The following BMS1 variants were observed in gnomAD, a reference collection of about 807,000 sequenced individuals.
BMS1 encodes BMS1 ribosome biogenesis factor, also known as ribosome biogenesis protein BMS1 homolog.
In BMS1, 53 loss-of-function variants were observed where a neutral mutation model predicts 138.7. The observed-to-expected ratio is 0.38, with a 90% CI of 0.31 to 0.48. The LOEUF is 0.48. Among genes scored for constraint, BMS1 ranks in the 20% least tolerant of loss-of-function variants. The pLI is 0.97. For synonymous variants in BMS1, 504 were observed against 539.9 expected (o/e 0.93, Z 0.92); for missense variants, 1,360 against 1,565.5 (o/e 0.87, Z 2.22).
chr10:42,806,382 G>C (rs187087219), intron 13 of BMS1, among the ~76,000 whole-genome samples: 88 of 152,300 alleles, frequency 5.8e-4, no homozygotes, highest in African/African-American at 1.6e-3. Flanking sequence ...GTGTGGATTA[G>C]AAGTCAAAGT....
In BMS1 at chr10:42,834,084, C is replaced by CT. The variant is rs1161168203; in HGVS notation, c.*2992dup. 2 of 152,060 alleles carry CT rather than the reference C, an allele frequency of 1.3e-5. No individual in the cohort carries two copies. Among genetic ancestry groups the CT allele is most frequent in the East Asian group, 3.8e-4 (2 of 5,200 alleles). The allele number at this position is 152,060 out of a possible 1,614,324, so 9.4% of individuals were successfully genotyped here. On this transcript the variant is annotated 3_prime_UTR_variant, in exon 23 of 23. Coordinates refer to ENST00000374518, the MANE Select transcript of BMS1 (RefSeq NM_014753.4). ...AATTGTAAAAATTATTCTGTTATAC[C>CT]TTTTCTATTTACTAGGCACAGGCAG...
At chr10:42,820,906 A>G (rs1292382584) in intron 17 of BMS1, 28 bp from the exon 18 acceptor site, 25 of 1,593,510 alleles carry the variant, frequency 1.6e-5, no homozygotes, top group South Asian at 7.7e-5. Flanking sequence ...GTGGTTCGCT[A>G]TATTTCTTTT....
At chr10:42,810,307 C>G (rs1320732430) in intron 13 of BMS1, among the ~76,000 whole-genome samples, 1 of 152,166 alleles carries the variant, frequency 6.6e-6, no homozygotes, top group Non-Finnish European at 1.5e-5. Context: ...ACCCAGTCAT[C>G]ACACTTATGA....
In BMS1 at chr10:42,831,477, TC is replaced by T. The variant is rs1227439527; in HGVS notation, c.*382del. 1.0e-4 allele frequency: 19 copies of T among 185,988 alleles called. No homozygotes were observed. Among genetic ancestry groups the T allele is most frequent in the Non-Finnish European group, 6.8e-5 (6 of 88,020 alleles). The allele number at this position is 185,988 out of a possible 1,614,324, so 11.5% of individuals were successfully genotyped here. A position where few individuals can be genotyped will look rare whatever the true frequency, so the allele number is the denominator to read the frequency against. ...TGGATAATTATTTATACTACCACCT[TC>T]ATGAGGAGTCTTCCAGAAGAGAAAG... On this transcript the variant is annotated 3_prime_UTR_variant, in exon 23 of 23. Coordinates refer to ENST00000374518, the MANE Select transcript of BMS1 (RefSeq NM_014753.4).
intron 13 of BMS1, among the ~76,000 whole-genome samples, chr10:42,812,130 A>G (rs905829493): frequency 1.3e-5 from 2 of 152,158 alleles, no homozygotes; most frequent in African/African-American, 2.4e-5. Context: ...TTGCTGGCTC[A>G]CTGTTCAGAT....
chr10:42,829,035 T>C (rs1197785935), intron 21 of BMS1, among the ~76,000 whole-genome samples: 3 of 152,168 alleles, frequency 2.0e-5, no homozygotes, highest in Non-Finnish European at 2.9e-5. Context: ...CATTTCAAGA[T>C]AGGAGAAACT....
chr10:42,812,174 T>G (rs1842203749), intron 13 of BMS1, among the ~76,000 whole-genome samples: 1 of 152,216 alleles, frequency 6.6e-6, no homozygotes, highest in South Asian at 2.1e-4. Flanking sequence ...TCTGCCTAGT[T>G]TCACTCTGTC....
chr10:42,801,038 TC>T (rs1240733974), intron 12 of BMS1, among the ~76,000 whole-genome samples: 1 of 152,188 alleles, frequency 6.6e-6, no homozygotes, highest in Non-Finnish European at 1.5e-5. Flanking sequence ...TCATAGTCAT[TC>T]TTTATCAATT....
intron 13 of BMS1, among the ~76,000 whole-genome samples, chr10:42,810,895 A>G (rs986640588): frequency 3.9e-5 from 6 of 151,918 alleles, no homozygotes; most frequent in African/African-American, 1.5e-4. Context: ...TTTATTCGTG[A>G]TGTTGTTGGT....
intron 21 of BMS1, among the ~76,000 whole-genome samples, chr10:42,825,098 T>C (rs1347539568): frequency 6.6e-6 from 1 of 152,262 alleles, no homozygotes; most frequent in South Asian, 2.1e-4. Flanking sequence ...AACCTCTGCC[T>C]CCTGGATTCA....
intron 4 of BMS1, among the ~76,000 whole-genome samples, chr10:42,787,945 A>G (rs787797): frequency 0.42 from 63,425 of 152,044 alleles, 13,630 homozygotes; most frequent in Middle Eastern, 0.49. Flanking sequence ...AAAATAAAAT[A>G]CAAATTAGCA....
chr10:42,813,987 C>T (rs56178200), intron 13 of BMS1, among the ~76,000 whole-genome samples: 16,032 of 152,084 alleles, frequency 0.11, 1,013 homozygotes, highest in African/African-American at 0.17. Context: ...TGTGCCACTT[C>T]CTTCTGGCCT....
At chr10:42,794,653 G>T (rs765844730) in intron 9 of BMS1, among the ~76,000 whole-genome samples, 1 of 151,150 alleles carries the variant, frequency 6.6e-6, no homozygotes, top group East Asian at 1.9e-4. Context: ...GGGATTACTA[G>T]CTATTTTCAC....
At chr10:42,784,230 C>A (rs1841250097) in intron 1 of BMS1, 132 bp from the exon 2 acceptor site, 1 of 601,854 alleles carries the variant, frequency 1.7e-6, no homozygotes, top group East Asian at 3.0e-5. Context: ...TAAGCAGTTT[C>A]TACCCTTGTT....
chr10:42,790,038 T>C (rs1484236729), intron 4 of BMS1, among the ~76,000 whole-genome samples: 1 of 152,192 alleles, frequency 6.6e-6, no homozygotes, highest in African/African-American at 2.4e-5. Context: ...GTGATGCCTG[T>C]GTAGTCATTT....
intron 13 of BMS1, among the ~76,000 whole-genome samples, chr10:42,804,100 T>C (rs1008873492): frequency 6.6e-6 from 1 of 152,240 alleles, no homozygotes; most frequent in Non-Finnish European, 1.5e-5. Context: ...GGGTAGTCCA[T>C]TGTATGATGT....
At chr10:42,830,780 T>C in intron 22 of BMS1, 86 bp from the exon 23 acceptor site, 1 of 1,136,392 alleles carries the variant, frequency 8.8e-7, no homozygotes, top group East Asian at 2.6e-5. Flanking sequence ...ATTTGGATCG[T>C]GGGTTGCCTC....
intron 9 of BMS1, among the ~76,000 whole-genome samples, chr10:42,795,605 G>C (rs1841659917): frequency 6.6e-6 from 1 of 151,980 alleles, no homozygotes; most frequent in Non-Finnish European, 1.5e-5. Flanking sequence ...ACAGATGTGA[G>C]CCACTACCCC....
At chr10:42,807,097 G>A (rs746480127) in intron 13 of BMS1, among the ~76,000 whole-genome samples, 1 of 145,950 alleles carries the variant, frequency 6.9e-6, no homozygotes, top group Non-Finnish European at 1.5e-5. Context: ...TTTATCACAT[G>A]TGTAGGTTTG....
Sources: allele counts gnomAD v4.1 joint callset (sites outside exome capture counted in the v4.1 genomes callset), GRCh38; gene constraint gnomAD v4.1.1; transcripts MANE v1.5; gene names NCBI Gene and HGNC (gene_info 2026-07-23, HGNC 2026-07-21).